PCSK2: variants seen among roughly 807,000 people sequenced by gnomAD.
The protein encoded by PCSK2 is proprotein convertase subtilisin/kexin type 2, also known as neuroendocrine convertase 2.
PCSK2 carries 14 observed loss-of-function variants against 69.7 expected under a neutral mutation model. The ratio of observed to expected loss-of-function variants is 0.20; its 90% CI spans 0.13 to 0.31. PCSK2 has a LOEUF of 0.31. Ranked by LOEUF, PCSK2 falls within the 10% of genes least tolerant of loss-of-function variation. The pLI is 1.00. For missense variants in PCSK2, 544 were observed against 842.5 expected (o/e 0.65, Z 4.39); for synonymous variants, 307 against 320.7 (o/e 0.96, Z 0.46).
chr20:17,458,984 C>G (rs945662151), intron 10 of PCSK2, among the ~76,000 whole-genome samples: 1 of 151,632 alleles, frequency 6.6e-6, no homozygotes, highest in Non-Finnish European at 1.5e-5. Flanking sequence ...GAGCTAGGCT[C>G]GAGGGGTAGA....
At chr20:17,322,389 C>T (rs1452938216) in intron 2 of PCSK2, among the ~76,000 whole-genome samples, 1 of 152,122 alleles carries the variant, frequency 6.6e-6, no homozygotes, top group Non-Finnish European at 1.5e-5. Context: ...CTGTGCCCCT[C>T]TAAAATTCAT....
chr20:17,230,124 T>C (rs1244966838), intron 1 of PCSK2, among the ~76,000 whole-genome samples: 2 of 152,206 alleles, frequency 1.3e-5, no homozygotes, highest in Non-Finnish European at 2.9e-5. Context: ...CATCATACTG[T>C]TTTGTACTTT....
chr20:17,344,743 TA>T (rs1170246707), intron 2 of PCSK2, among the ~76,000 whole-genome samples: 1 of 152,164 alleles, frequency 6.6e-6, no homozygotes, highest in South Asian at 2.1e-4. Context: ...ATGCCAAGCA[TA>T]AAAAATGTGC....
At position 17,346,266 on chromosome 20, in the gene PCSK2, G is replaced by A. The variant is rs542507820; in HGVS notation, c.283-12061G>A. On this transcript the variant is annotated intron_variant, in intron 2 of 11. Transcript: ENST00000262545. ...AGGTGCCATGAGCACTTTCTCTGTG[G>A]GCGCTGTTGGCTCCCCTTTACCTCT... Among the ~76,000 whole-genome samples, 3 of 152,258 alleles carry A rather than the reference G, an allele frequency of 2.0e-5. No homozygotes were observed. In the South Asian group the frequency reaches 6.2e-4, roughly 32 times the overall value.
At chr20:17,457,098 C>G (rs1293181929) in intron 10 of PCSK2, among the ~76,000 whole-genome samples, 1 of 152,180 alleles carries the variant, frequency 6.6e-6, no homozygotes, top group Non-Finnish European at 1.5e-5. Flanking sequence ...GTGGAGGTAC[C>G]TGCCCACCTG....
intron 10 of PCSK2, among the ~76,000 whole-genome samples, chr20:17,457,116 A>G (rs1451354758): frequency 6.6e-6 from 1 of 152,176 alleles, no homozygotes; most frequent in Non-Finnish European, 1.5e-5. Flanking sequence ...CTGCTACTCT[A>G]CTTTCTTTTA....
intron 2 of PCSK2, among the ~76,000 whole-genome samples, chr20:17,300,598 G>T (rs1989048188): frequency 6.6e-6 from 1 of 152,156 alleles, no homozygotes; most frequent in South Asian, 2.1e-4. Flanking sequence ...TGTCTCTCTG[G>T]ATATTTAAGA....
intron 5 of PCSK2, among the ~76,000 whole-genome samples, chr20:17,379,085 T>C (rs1398460794): frequency 6.6e-6 from 1 of 152,198 alleles, no homozygotes; most frequent in African/African-American, 2.4e-5. Context: ...CTGACATCCA[T>C]TTTCACTTTG....
At chr20:17,441,706 A>T (rs1208673167) in intron 8 of PCSK2, among the ~76,000 whole-genome samples, 2 of 152,026 alleles carry the variant, frequency 1.3e-5, no homozygotes, top group African/African-American at 2.4e-5. Context: ...AGACTTATTC[A>T]CTATCAAGAG....
intron 6 of PCSK2, among the ~76,000 whole-genome samples, chr20:17,410,642 G>T (rs2031850613): frequency 6.6e-6 from 1 of 152,328 alleles, no homozygotes; most frequent in South Asian, 2.1e-4. Context: ...TTTAGAGGAT[G>T]AGAATGTATA....
At chr20:17,244,670 CCAAA>C (rs1986708023) in intron 1 of PCSK2, among the ~76,000 whole-genome samples, 1 of 152,132 alleles carries the variant, frequency 6.6e-6, no homozygotes, top group Non-Finnish European at 1.5e-5. Context: ...TCCTTCCTAC[CCAAA>C]CAATCATTCT....
rs185444161 is a variant in PCSK2 at position 17,237,487 on chromosome 20, C to T, written c.177+10005C>T. On this transcript the variant is annotated intron_variant, in intron 1 of 11. Coordinates refer to ENST00000262545, the MANE Select transcript of PCSK2 (RefSeq NM_002594.5). ...ACCAGGAGAGGAGTCAGAACTTGGA[C>T]GGTTAGAGATATGGAAAAAGAATCA... Among the ~76,000 whole-genome samples the T allele has an allele frequency of 9.9e-5, 15 of 151,902 alleles. No homozygotes were observed. In the East Asian group the frequency reaches 1.7e-3, roughly 18 times the overall value.
chr20:17,462,009 C>G (rs1472485422), intron 10 of PCSK2, among the ~76,000 whole-genome samples: 1 of 152,154 alleles, frequency 6.6e-6, no homozygotes, highest in East Asian at 1.9e-4. Context: ...TTGCTGACCC[C>G]TGGACCCAAG....
intron 5 of PCSK2, among the ~76,000 whole-genome samples, chr20:17,396,025 A>T (rs1219585332): frequency 6.6e-6 from 1 of 152,120 alleles, no homozygotes; most frequent in African/African-American, 2.4e-5. Flanking sequence ...GGCAAGCAGA[A>T]CTCTCACAGA....
Position 17,382,028 on chromosome 20 carries a change from A to G in PCSK2, c.543+12751A>G, listed in dbSNP as rs561970755. 1.7e-4 allele frequency among the ~76,000 whole-genome samples: 26 copies of G among 152,330 alleles called. 1 individual carries two copies. The highest frequency in any genetic ancestry group is 1.7e-4 in the African/African-American group (7 of 41,584). On this transcript the variant is annotated intron_variant, in intron 5 of 11. Coordinates refer to ENST00000262545, the MANE Select transcript of PCSK2 (RefSeq NM_002594.5). ...GATTAATCACTCACAAGCGGTCACA[A>G]TGATCCTATACTACATGGCAGCTTT...
chr20:17,429,362 AT>A, intron 6 of PCSK2, 72 bp from the exon 7 acceptor site: 1 of 1,059,718 alleles, frequency 9.4e-7, no homozygotes, highest in Non-Finnish European at 1.5e-6. Flanking sequence ...TCCAAAGAGA[AT>A]TTTGAGCCCA....
At chr20:17,334,750 A>G (rs1275231188) in intron 2 of PCSK2, among the ~76,000 whole-genome samples, 1 of 152,188 alleles carries the variant, frequency 6.6e-6, no homozygotes, top group Non-Finnish European at 1.5e-5. Flanking sequence ...CCACACATCT[A>G]TTGTATGGGC....
intron 11 of PCSK2, among the ~76,000 whole-genome samples, chr20:17,465,909 T>C (rs1026392211): frequency 2.6e-5 from 4 of 152,124 alleles, no homozygotes; most frequent in African/African-American, 9.7e-5. Context: ...GTTCAAGTGA[T>C]CCTTCTGCCC....
chr20:17,242,804 C>G (rs569609690), intron 1 of PCSK2, among the ~76,000 whole-genome samples: 37 of 152,342 alleles, frequency 2.4e-4, no homozygotes, highest in African/African-American at 8.7e-4. Context: ...TGAAAAGCAT[C>G]TGTTTAAGGA....
Sources: gnomAD v4.1 joint callset for allele counts (sites outside exome capture counted in the v4.1 genomes callset) on GRCh38, gnomAD v4.1.1 for gene constraint, MANE v1.5 for transcripts, NCBI Gene and HGNC (gene_info 2026-07-23, HGNC 2026-07-21) for gene names.